Variants in GRIN2A observed in about 807,000 individuals in gnomAD.
GRIN2A encodes the protein glutamate receptor ionotropic, NMDA 2A.
Under a neutral mutation model 113.4 loss-of-function variants are expected in GRIN2A, and 22 were observed. That is an observed-to-expected ratio of 0.19 (90% CI 0.14 to 0.28). The LOEUF (loss-of-function observed/expected upper bound fraction) is 0.28, where lower values mean the gene tolerates loss of function less well. Among genes scored for constraint, GRIN2A ranks in the 10% least tolerant of loss-of-function variants. The pLI is 1.00. For missense variants in GRIN2A, 1,502 were observed against 1,887.0 expected (o/e 0.80, Z 3.78); for synonymous variants, 827 against 738.4 (o/e 1.12, Z -1.94).
At chr16:10,082,713 T>C (rs2048007810) in intron 2 of GRIN2A, among the ~76,000 whole-genome samples, 1 of 151,930 alleles carries the variant, frequency 6.6e-6, no homozygotes, top group South Asian at 2.1e-4. Flanking sequence ...TCATTTCCCA[T>C]GAGATAATAA....
intron 2 of GRIN2A, among the ~76,000 whole-genome samples, chr16:10,118,697 G>A (rs2048774564): frequency 1.3e-5 from 2 of 152,160 alleles, no homozygotes; most frequent in African/African-American, 2.4e-5. Context: ...CTTAAACTGT[G>A]CAGAAAGAGA....
At chr16:10,131,277 G>T (rs1003688815) in intron 2 of GRIN2A, among the ~76,000 whole-genome samples, 8 of 152,116 alleles carry the variant, frequency 5.3e-5, no homozygotes, top group Admixed American at 2.6e-4. Flanking sequence ...TAGTAGTGAG[G>T]GGCCATGGAG....
At position 9,763,111 on chromosome 16, in the gene GRIN2A, G is replaced by C. The variant is rs200253608; in HGVS notation, c.*38C>G. 66 of 1,594,146 alleles carry C rather than the reference G, an allele frequency of 4.1e-5. No individual in the cohort carries two copies. In the African/African-American group the frequency reaches 8.4e-4, roughly 20 times the overall value. On this transcript the variant is annotated 3_prime_UTR_variant, in exon 13 of 13. Transcript: ENST00000330684. ...TACCCTCCAGAACATTGGCCATTAC[G>C]TATATTTCCCTATAGATAAAACATT...
intron 2 of GRIN2A, among the ~76,000 whole-genome samples, chr16:10,049,261 C>T (rs2047312150): frequency 6.6e-6 from 1 of 152,126 alleles, no homozygotes; most frequent in Non-Finnish European, 1.5e-5. Context: ...TTTTAATTTA[C>T]ATTTAAATGC....
intron 2 of GRIN2A, among the ~76,000 whole-genome samples, chr16:10,087,064 G>A (rs1362200189): frequency 6.6e-6 from 1 of 152,198 alleles, no homozygotes; most frequent in East Asian, 1.9e-4. Context: ...AATGGAAGTC[G>A]ATGAATGCAG....
chr16:10,092,679 T>C (rs12597257), intron 2 of GRIN2A, among the ~76,000 whole-genome samples: 29,794 of 152,064 alleles, frequency 0.2, 3,599 homozygotes, highest in East Asian at 0.44. Flanking sequence ...AACAAATAAG[T>C]AAACTAGAGC....
At chr16:10,107,090 T>G (rs1688706315) in intron 2 of GRIN2A, among the ~76,000 whole-genome samples, 1 of 152,156 alleles carries the variant, frequency 6.6e-6, no homozygotes, top group Non-Finnish European at 1.5e-5. Context: ...AAGAATGAAA[T>G]GGAGGGCTAG....
At chr16:9,856,276 TC>T (rs2042965484) in intron 4 of GRIN2A, among the ~76,000 whole-genome samples, 1 of 152,106 alleles carries the variant, frequency 6.6e-6, no homozygotes, top group African/African-American at 2.4e-5. Context: ...AATCACTACC[TC>T]CCTTTTTGAA....
At chr16:10,130,408 T>A (rs1028198013) in intron 2 of GRIN2A, among the ~76,000 whole-genome samples, 1 of 152,182 alleles carries the variant, frequency 6.6e-6, no homozygotes, top group Admixed American at 6.5e-5. Flanking sequence ...GAGCAGATCT[T>A]TGGGCTCAAA....
chr16:10,177,918 C>T (rs372228667), intron 2 of GRIN2A, among the ~76,000 whole-genome samples: 3 of 152,170 alleles, frequency 2.0e-5, no homozygotes, highest in African/African-American at 7.2e-5. Flanking sequence ...ACAGCCTGAG[C>T]CACACACCTA....
intron 10 of GRIN2A, among the ~76,000 whole-genome samples, chr16:9,807,050 G>C (rs1164189919): frequency 6.6e-6 from 1 of 151,208 alleles, no homozygotes; most frequent in African/African-American, 2.4e-5. Context: ...CTGCCACCAT[G>C]TAAGACATGC....
intron 2 of GRIN2A, among the ~76,000 whole-genome samples, chr16:9,987,219 C>T (rs7204776): frequency 0.58 from 87,844 of 152,072 alleles, 25,836 homozygotes; most frequent in African/African-American, 0.65. Flanking sequence ...AACCCTAACC[C>T]TAACATGGCC....
At chr16:10,140,596 A>C (rs895388595) in intron 2 of GRIN2A, among the ~76,000 whole-genome samples, 2 of 152,202 alleles carry the variant, frequency 1.3e-5, no homozygotes, top group African/African-American at 4.8e-5. Flanking sequence ...AACTGTCCCC[A>C]CTTTTCATTC....
chr16:10,153,027 A>C (rs2049616301), intron 2 of GRIN2A, among the ~76,000 whole-genome samples: 1 of 152,206 alleles, frequency 6.6e-6, no homozygotes, highest in Admixed American at 6.5e-5. Context: ...GTCATTATGC[A>C]TTTGTTCAAA....
At chr16:10,090,040 A>T (rs1172506592) in intron 2 of GRIN2A, among the ~76,000 whole-genome samples, 1 of 152,220 alleles carries the variant, frequency 6.6e-6, no homozygotes, top group African/African-American at 2.4e-5. Context: ...AGATACATTT[A>T]TCCATTTATT....
At chr16:10,085,945 A>G (rs1003729494) in intron 2 of GRIN2A, among the ~76,000 whole-genome samples, 2 of 152,184 alleles carry the variant, frequency 1.3e-5, no homozygotes, top group South Asian at 4.2e-4. Flanking sequence ...TGAATTAGTT[A>G]ATTAACAAAC....
intron 10 of GRIN2A, among the ~76,000 whole-genome samples, chr16:9,819,919 CTCAAAAA>C (rs1178618014): frequency 2.8e-5 from 2 of 71,554 alleles, no homozygotes; most frequent in East Asian, 3.8e-4. Context: ...GAAACTCCGT[CTCAAAAA>C]AAAAAAAAAA....
intron 2 of GRIN2A, among the ~76,000 whole-genome samples, chr16:10,135,180 T>G (rs1470481846): frequency 6.6e-6 from 1 of 152,216 alleles, no homozygotes; most frequent in Admixed American, 6.5e-5. Context: ...CAAGTTCAGA[T>G]TTCCACACAA....
intron 2 of GRIN2A, among the ~76,000 whole-genome samples, chr16:10,091,475 C>T (rs1023741857): frequency 7.2e-5 from 11 of 151,782 alleles, no homozygotes; most frequent in African/African-American, 2.4e-4. Context: ...CACACACACA[C>T]ACACACACAC....
Sources: gnomAD v4.1 joint callset for allele counts (sites outside exome capture counted in the v4.1 genomes callset) on GRCh38, gnomAD v4.1.1 for gene constraint, MANE v1.5 for transcripts, NCBI Gene and HGNC (gene_info 2026-07-23, HGNC 2026-07-21) for gene names.